The following HSD17B13 variants were observed in gnomAD, a reference collection of about 807,000 sequenced individuals.
HSD17B13 encodes 17-beta-hydroxysteroid dehydrogenase 13.
HSD17B13 carries 26 observed loss-of-function variants against 31.1 expected under a neutral mutation model. The observed-to-expected ratio is 0.84, with a 90% CI of 0.61 to 1.16. HSD17B13 has a LOEUF of 1.16. Ranked by LOEUF, HSD17B13 falls within the 50% of genes most tolerant of loss-of-function variation. The pLI, the probability that HSD17B13 is intolerant of heterozygous loss-of-function variation, is 0.00. For missense variants in HSD17B13, 374 were observed against 366.5 expected, an observed-to-expected ratio of 1.02 and a Z score of -0.17; for synonymous variants, 141 against 133.7, an observed-to-expected ratio of 1.05 and a Z score of -0.38.
At chr4:87,313,677 T>C in intron 5 of HSD17B13, 146 bp downstream of exon 5, 1 of 651,512 alleles carries the variant, frequency 1.5e-6, no homozygotes, top group Non-Finnish European at 2.5e-6. Context: ...CTTTATTCCT[T>C]TAATTTCAAG....
At chr4:87,319,479 C>T (rs1312716973) in intron 1 of HSD17B13, among the ~76,000 whole-genome samples, 1 of 152,172 alleles carries the variant, frequency 6.6e-6, no homozygotes, top group East Asian at 1.9e-4. Context: ...AAAACTCAAC[C>T]ATTAATTTAT....
chr4:87,315,051 G>A (rs192717658), intron 4 of HSD17B13, among the ~76,000 whole-genome samples: 1 of 152,256 alleles, frequency 6.6e-6, no homozygotes, highest in African/African-American at 2.4e-5. Context: ...CTGGAGGCAG[G>A]GAACATAAGG....
At chr4:87,306,905 TAAAAAAAAAAAAAAAA>T (rs67775053) in intron 6 of HSD17B13, among the ~76,000 whole-genome samples, 2 of 44,286 alleles carry the variant, frequency 4.5e-5, no homozygotes, top group African/African-American at 2.5e-4. Context: ...AGACCCAATC[TAAAAAAAAAAAAAAAA>T]AAAAAAAAAA....
intron 5 of HSD17B13, among the ~76,000 whole-genome samples, chr4:87,311,229 C>G (rs1395865692): frequency 1.3e-5 from 2 of 152,150 alleles, no homozygotes; most frequent in Non-Finnish European, 1.5e-5. Flanking sequence ...ATAATCCACC[C>G]CTTGTTTAGC....
intron 6 of HSD17B13, among the ~76,000 whole-genome samples, chr4:87,307,378 A>G (rs1717173869): frequency 6.6e-6 from 1 of 152,146 alleles, no homozygotes; most frequent in African/African-American, 2.4e-5. Flanking sequence ...GGTCATATGC[A>G]TGTATATGCA....
intron 1 of HSD17B13, among the ~76,000 whole-genome samples, chr4:87,320,609 G>A (rs1326267796): frequency 6.6e-6 from 1 of 151,930 alleles, no homozygotes; most frequent in African/African-American, 2.4e-5. Flanking sequence ...GGATGGTCTC[G>A]ATCTCCTGAC....
chr4:87,314,379 T>C (rs1382796893), intron 4 of HSD17B13, among the ~76,000 whole-genome samples: 1 of 151,914 alleles, frequency 6.6e-6, no homozygotes, highest in Non-Finnish European at 1.5e-5. Flanking sequence ...AGGACTCTGC[T>C]CATTTCTCCT....
chr4:87,314,387 CCTCT>C (rs138722914), intron 4 of HSD17B13, among the ~76,000 whole-genome samples: 2,317 of 151,964 alleles, frequency 0.015, 53 homozygotes, highest in African/African-American at 0.053. Context: ...GCTCATTTCT[CCTCT>C]CTCTCTCAAT....
At chr4:87,306,905 T>TA (rs67775053) in intron 6 of HSD17B13, among the ~76,000 whole-genome samples, 2,132 of 44,272 alleles carry the variant, frequency 0.048, 268 homozygotes, top group East Asian at 0.18. Context: ...AGACCCAATC[T>TA]AAAAAAAAAA....
chr4:87,316,513 A>G (rs960215983), intron 3 of HSD17B13, among the ~76,000 whole-genome samples: 8 of 152,160 alleles, frequency 5.3e-5, no homozygotes, highest in African/African-American at 1.2e-4. Flanking sequence ...AAAAATTTCT[A>G]TACAAAGGCA....
Position 87,318,322 on chromosome 4 carries a change from G to A in HSD17B13, c.318+7C>T. 6.2e-7 allele frequency: 1 copy of A among 1,600,088 alleles called. No homozygotes were observed. The highest frequency in any genetic ancestry group is 8.6e-7 in the Non-Finnish European group (1 of 1,167,138). ...ATCTGAAGAAATTTGTGAACCTGCA[G>A]TCTCACCTGATTTAGAGAGCGATAG... On this transcript the variant is annotated splice_region_variant and intron_variant, in intron 2 of 6. Coordinates refer to ENST00000328546, the MANE Select transcript of HSD17B13 (RefSeq NM_178135.5).
In HSD17B13 at chr4:87,315,576, C is replaced by T. The variant is rs773513913; in HGVS notation, c.474G>A (p.Ser158=). 2.5e-5 allele frequency: 40 copies of T among 1,605,668 alleles called. No homozygotes were observed. The highest frequency in any genetic ancestry group is 3.3e-5 in the Admixed American group (2 of 59,762). Residue 158 remains serine (S), a synonymous_variant, in exon 4 of 7, where the codon TCG becomes TCA. Coordinates refer to ENST00000328546, the MANE Select transcript of HSD17B13 (RefSeq NM_178135.5). ...TGTGGCCATGATTTCTCTCCATCAT[C>T]GATGGAAGAAGTGCTTTTGTGATCT... is the stretch of plus-strand genomic sequence containing the variant. The part of the protein sequence containing the change: ...HFWITKALLP[S]MMERNHGHIV...
Position 87,305,249 on chromosome 4 carries a change from G to A in HSD17B13, c.872C>T (p.Ala291Val), listed in dbSNP as rs1200794710. ...CATTTTGATTTTGTGGCCAACCACT[G>A]CTTCAAATTGAATATTCTGCATACG... is the stretch of plus-strand genomic sequence containing the variant. Reference protein sequence around the residue: ...LNRMQNIQFEAVVGHKIKMK With the variant: ...LNRMQNIQFEVVVGHKIKMK The change falls in exon 7 of 7, where the codon GCA (alanine) becomes GTA (valine). Residue 291 changes from alanine to valine, a missense_variant. Ala to Val is a moderately conservative substitution (Grantham distance 64, BLOSUM62 0). Transcript: ENST00000328546. The A allele has an allele frequency of 1.2e-6, 2 of 1,608,346 alleles. No individual in the cohort carries two copies. The highest frequency in any genetic ancestry group is 2.2e-5 in the East Asian group (1 of 44,760).
intron 6 of HSD17B13, among the ~76,000 whole-genome samples, chr4:87,307,726 C>T (rs751433958): frequency 5.3e-5 from 8 of 152,094 alleles, no homozygotes; most frequent in Non-Finnish European, 1.0e-4. Context: ...GTCTCGAATG[C>T]CTGACCTCAA....
chr4:87,306,625 T>C (rs6834947), intron 6 of HSD17B13, among the ~76,000 whole-genome samples: 8,938 of 151,046 alleles, frequency 0.059, 394 homozygotes, highest in African/African-American at 0.11. Context: ...AGGAAGAGAG[T>C]GGCTGGCCCG....
At chr4:87,312,305 A>C (rs1248908068) in intron 5 of HSD17B13, among the ~76,000 whole-genome samples, 1 of 152,094 alleles carries the variant, frequency 6.6e-6, no homozygotes, top group Non-Finnish European at 1.5e-5. Context: ...ACGTTTACTC[A>C]CTTCTGGTTG....
chr4:87,318,434 G>A lies in HSD17B13; in HGVS notation c.213C>T (p.Arg71=), dbSNP rs1302499083. 2 of 1,613,218 alleles carry A rather than the reference G, an allele frequency of 1.2e-6. No individual in the cohort carries two copies. Among genetic ancestry groups the A allele is most frequent in the Admixed American group, 1.7e-5 (1 of 60,012 alleles). The part of the protein sequence containing the change: ...SILVLWDINK[R]GVEETAAECR... ...ACTCAGCTGCAGTTTCCTCCACACCGCGCTGTAATTAGGAAGAAACAAATT... is the reference window on the plus strand; with the variant it reads ...ACTCAGCTGCAGTTTCCTCCACACCACGCTGTAATTAGGAAGAAACAAATT... Residue 71 remains arginine (R), a splice_region_variant and synonymous_variant, in exon 2 of 7, where the codon CGC becomes CGT. Coordinates refer to ENST00000328546, the MANE Select transcript of HSD17B13 (RefSeq NM_178135.5).
intron 1 of HSD17B13, 78 bp from the exon 2 acceptor site, chr4:87,318,514 A>G: frequency 8.1e-7 from 1 of 1,227,152 alleles, no homozygotes; most frequent in South Asian, 1.2e-5. Flanking sequence ...GACAATTAAC[A>G]TTCGGCTAGG....
At position 87,310,314 on chromosome 4, in the gene HSD17B13, T is replaced by C; in HGVS notation, c.741A>G (p.Ile247Met). The C allele has an allele frequency of 6.3e-7, 1 of 1,575,360 alleles. No homozygotes were observed. The highest frequency in any genetic ancestry group is 8.6e-7 in the Non-Finnish European group (1 of 1,165,620). Reference protein sequence around the residue: ...LETDEVVRSLIDGILTNKKMI... With the variant: ...LETDEVVRSLMDGILTNKKMI... ...TTTTCTTATTGGTAAGTATTCCATCTATCAGACTTCTTACGACTTCATCTG... is the reference window on the plus strand; with the variant it reads ...TTTTCTTATTGGTAAGTATTCCATCCATCAGACTTCTTACGACTTCATCTG... Residue 247 changes from isoleucine to methionine, a missense_variant, in exon 6 of 7, where the codon ATA (isoleucine) becomes ATG (methionine). Physicochemically the swap from Ile to Met is conservative, Grantham distance 10. Transcript: ENST00000328546.
Sources: allele counts gnomAD v4.1 joint callset (sites outside exome capture counted in the v4.1 genomes callset), GRCh38; gene constraint gnomAD v4.1.1; transcripts MANE v1.5; gene names NCBI Gene and HGNC (gene_info 2026-07-23, HGNC 2026-07-21).